Variants in DELE1 observed in about 807,000 individuals in gnomAD.
DELE1 encodes the protein DAP3 binding cell death enhancer 1, also known as death ligand signal enhancer.
Under a neutral mutation model 59.3 loss-of-function variants are expected in DELE1, and 54 were observed. The observed-to-expected ratio is 0.91, with a 90% CI of 0.73 to 1.14. DELE1 has a LOEUF of 1.14. Among genes scored for constraint, DELE1 ranks in the 50% most tolerant of loss-of-function variants. The probability of loss-of-function intolerance (pLI) is 0.00; values close to 1 mark genes in which losing one functional copy is unlikely to be tolerated. For synonymous variants in DELE1, 264 were observed against 259.1 expected (o/e 1.02, Z -0.18); for missense variants, 636 against 643.9 (o/e 0.99, Z 0.13).
rs1308539528 is a variant in DELE1, at chr5:141,930,210, G to A, written c.690G>A (p.Glu230=). ...EQDKSKTLSL[E]EAVTSIQQLF... ...ATAAATCAAAAACTCTTTCCCTTGAGGAGGCTGTGACTTCCATTCAGCAGC... is the reference window on the plus strand; with the variant it reads ...ATAAATCAAAAACTCTTTCCCTTGAAGAGGCTGTGACTTCCATTCAGCAGC... Residue 230 remains glutamate, a synonymous_variant, in exon 7 of 12, where the codon GAG becomes GAA. Transcript: ENST00000432126. 5.6e-6 allele frequency: 9 copies of A among 1,613,908 alleles called. No individual in the cohort carries two copies. Among genetic ancestry groups the A allele is most frequent in the Admixed American group, 1.7e-5 (1 of 60,004 alleles).
chr5:141,933,734 CAAAA>C (rs3045691), intron 8 of DELE1: 11,576 of 162,010 alleles, frequency 0.071, 457 homozygotes, highest in South Asian at 0.14. Flanking sequence ...TATGTGAAGG[CAAAA>C]AAACCCAAAA....
Position 141,929,706 on chromosome 5 carries a change from G to T in DELE1, c.537G>T (p.Leu179Phe). ...CCCGGAACTTCTCACACAACTCTTT[G>T]AGAGGAGCTCGTCCTCAGGACCCCT... ...AQPRNFSHNS[L>F]RGARPQDPSE... The change falls in exon 5 of 12, where the codon TTG becomes TTT. Residue 179 changes from leucine (L) to phenylalanine (F), a missense_variant. Leu to Phe is a conservative substitution (Grantham distance 22, BLOSUM62 0). Coordinates refer to ENST00000432126, the MANE Select transcript of DELE1 (RefSeq NM_014773.5). 2 of 1,614,198 alleles carry T rather than the reference G, an allele frequency of 1.2e-6. No individual in the cohort carries two copies. Among genetic ancestry groups the T allele is most frequent in the Non-Finnish European group, 1.7e-6 (2 of 1,180,040 alleles).
intron 4 of DELE1, 116 bp downstream of exon 4, chr5:141,928,414 T>G: frequency 7.9e-7 from 1 of 1,258,848 alleles, no homozygotes; most frequent in Non-Finnish European, 1.1e-6. Context: ...CTTTCCTATC[T>G]GAAGTCAGAG....
rs1392450171 is a variant in DELE1 at position 141,933,106 on chromosome 5, AAAAAAAT to A, written c.755-151_755-145del. 4.4e-3 allele frequency among the ~76,000 whole-genome samples: 604 copies of A among 137,454 alleles called. 4 individuals carry two copies. Among genetic ancestry groups the A allele is most frequent in the African/African-American group, 0.016 (549 of 34,132 alleles). The allele number at this position is 137,454 out of a possible 152,430, so 90.2% of individuals were successfully genotyped here. A position where few individuals can be genotyped will look rare whatever the true frequency, so the allele number is the denominator to read the frequency against. On this transcript the variant is annotated intron_variant, in intron 7 of 11. Coordinates refer to ENST00000432126, the MANE Select transcript of DELE1 (RefSeq NM_014773.5). The stretch of plus-strand genomic sequence containing the variant: ...CAAGACTCCATCTCAAAAAAAAAAA[AAAAAAAT>A]ATATATATATATATATATATATGTA...
chr5:141,933,203 A>C (rs1752077582), intron 7 of DELE1, 56 bp from the exon 8 acceptor site: 2 of 1,415,540 alleles, frequency 1.4e-6, no homozygotes, highest in Non-Finnish European at 1.9e-6. Flanking sequence ...TACCTGGCTG[A>C]GGGTGTGGGG....
chr5:141,928,094 G>A (rs753834099), intron 3 of DELE1, 57 bp from the exon 4 acceptor site: 5 of 1,555,282 alleles, frequency 3.2e-6, no homozygotes, highest in South Asian at 2.4e-5. Context: ...GAATAAGGCC[G>A]GGTCTGATGG....
chr5:141,925,253 G>C (rs536516447), intron 2 of DELE1, among the ~76,000 whole-genome samples, 157 bp from the exon 3 acceptor site: 8 of 152,054 alleles, frequency 5.3e-5, no homozygotes. Context: ...AGTAGAGATG[G>C]GGTTTCACCA....
chr5:141,925,405 T>A lies in DELE1; in HGVS notation c.147-5T>A, dbSNP rs199614244. On this transcript the variant is annotated splice_region_variant and splice_polypyrimidine_tract_variant and intron_variant, in intron 2 of 11. Transcript: ENST00000432126. Reference sequence around the variant, plus strand: ...TACTTGATAGCCTCTTATTTCATCATCTAGGTCAGGTCCCCATGGCCCAGG... The same window carrying A: ...TACTTGATAGCCTCTTATTTCATCAACTAGGTCAGGTCCCCATGGCCCAGG... 4.2e-5 allele frequency: 66 copies of A among 1,567,114 alleles called. No homozygotes were observed. The East Asian group carries it at 1.6e-3, about 37-fold the overall frequency.
Position 141,940,887 on chromosome 5 carries a change from G to T in DELE1, c.*2128G>T, listed in dbSNP as rs1016446824. On this transcript the variant is annotated 3_prime_UTR_variant, in exon 12 of 12. Coordinates refer to ENST00000432126, the MANE Select transcript of DELE1 (RefSeq NM_014773.5). ...AAAAAACAAACAAAAAAAGGTTTCT[G>T]TGGTTAAATAAGTTTGGGAAATGCT... 1.0e-6 allele frequency: 1 copy of T among 985,220 alleles called. No homozygotes were observed. The highest frequency in any genetic ancestry group is 1.7e-5 in the African/African-American group (1 of 57,360). 61.0% of individuals were successfully genotyped at this position (985,220 alleles called of 1,614,324 possible). A position where few individuals can be genotyped will look rare whatever the true frequency, so the allele number is the denominator to read the frequency against.
intron 3 of DELE1, among the ~76,000 whole-genome samples, chr5:141,926,069 G>T (rs1354903783): frequency 1.3e-5 from 2 of 151,904 alleles, no homozygotes; most frequent in Non-Finnish European, 2.9e-5. Context: ...TAGTAGAGAC[G>T]GGGTTTCACC....
intron 4 of DELE1, among the ~76,000 whole-genome samples, chr5:141,928,513 C>A (rs1751613812): frequency 1.3e-5 from 2 of 152,242 alleles, no homozygotes; most frequent in Admixed American, 1.3e-4. Flanking sequence ...TCACCTCCAA[C>A]CAAGGGAGGC....
chr5:141,938,646 G>A lies in DELE1; in HGVS notation c.1435G>A (p.Gly479Ser). The change falls in exon 12 of 12, where the codon GGC becomes AGC. Residue 479 changes from glycine to serine, a missense_variant. Gly to Ser is a moderately conservative substitution (Grantham distance 56). Coordinates refer to ENST00000432126, the MANE Select transcript of DELE1 (RefSeq NM_014773.5). ...ACATGCCTCGAGCACAGGCAACCTTGGCCTCCTCTGCAGAAGTGGGCATCT... is the reference window on the plus strand; with the variant it reads ...ACATGCCTCGAGCACAGGCAACCTTAGCCTCCTCTGCAGAAGTGGGCATCT... Reference protein sequence around the residue: ...LPHASSTGNLGLLCRSGHLGA... With the variant: ...LPHASSTGNLSLLCRSGHLGA... 4 of 1,614,090 alleles carry A rather than the reference G, an allele frequency of 2.5e-6. No homozygotes were observed. Among genetic ancestry groups the A allele is most frequent in the Non-Finnish European group, 3.4e-6 (4 of 1,180,024 alleles).
At chr5:141,925,764 TG>T (rs1423488494) in intron 3 of DELE1, among the ~76,000 whole-genome samples, 2 of 152,238 alleles carry the variant, frequency 1.3e-5, no homozygotes, top group Non-Finnish European at 2.9e-5. Flanking sequence ...CAGGCATTTT[TG>T]CTAGTCACTA....
intron 4 of DELE1, among the ~76,000 whole-genome samples, chr5:141,928,988 C>G (rs551766259): frequency 5.3e-5 from 8 of 152,184 alleles, no homozygotes; most frequent in African/African-American, 1.9e-4. Context: ...GTGCTAGGTA[C>G]TGGGGCTACA....
At chr5:141,926,033 C>T (rs1751388641) in intron 3 of DELE1, among the ~76,000 whole-genome samples, 1 of 152,062 alleles carries the variant, frequency 6.6e-6, no homozygotes, top group Non-Finnish European at 1.5e-5. Flanking sequence ...GCACGTGCCA[C>T]CACGCCTGGA....
At chr5:141,931,022 A>G (rs1301767127) in intron 7 of DELE1, among the ~76,000 whole-genome samples, 1 of 152,228 alleles carries the variant, frequency 6.6e-6, no homozygotes, top group Non-Finnish European at 1.5e-5. Flanking sequence ...CAGAAAAACA[A>G]TAATTGAGAA....
At position 141,941,630 on chromosome 5, in the gene DELE1, C is replaced by T. The variant is rs2126909434; in HGVS notation, c.*2871C>T. On this transcript the variant is annotated 3_prime_UTR_variant, in exon 12 of 12. Coordinates refer to ENST00000432126, the MANE Select transcript of DELE1 (RefSeq NM_014773.5). ...CTGGGTCAGGATGCTGGGTTAAAGC[C>T]CGGCGCCCTCACCAATGAGACCTTT... 1.0e-6 allele frequency: 1 copy of T among 985,368 alleles called. No homozygotes were observed. Among genetic ancestry groups the T allele is most frequent in the South Asian group, 4.7e-5 (1 of 21,274 alleles). 61.0% of individuals were successfully genotyped at this position (985,368 alleles called of 1,614,324 possible).
In DELE1 at chr5:141,941,881, A is replaced by G. The variant is rs1420082630; in HGVS notation, c.*3122A>G. The stretch of plus-strand genomic sequence containing the variant: ...CAAGCCTACCCAGCACATAGTAGGT[A>G]CTTTAAGTAATTTGAATGAATAATT... On this transcript the variant is annotated 3_prime_UTR_variant, in exon 12 of 12. Coordinates refer to ENST00000432126, the MANE Select transcript of DELE1 (RefSeq NM_014773.5). 5.1e-6 allele frequency: 5 copies of G among 985,210 alleles called. No individual in the cohort carries two copies. The highest frequency in any genetic ancestry group is 4.8e-6 in the Non-Finnish European group (4 of 829,886). The allele number at this position is 985,210 out of a possible 1,614,324, so 61.0% of individuals were successfully genotyped here. A position where few individuals can be genotyped will look rare whatever the true frequency, so the allele number is the denominator to read the frequency against.
rs137927996 is a variant in DELE1, at chr5:141,941,971, GCA to G, written c.*3226_*3227del. On this transcript the variant is annotated 3_prime_UTR_variant, in exon 12 of 12. Transcript: ENST00000432126. ...TCGCCGCCTATACACACGCACACAC[GCA>G]CACACACACACACGGTTTCCTGTGC... 142 of 915,116 alleles carry G rather than the reference GCA, an allele frequency of 1.6e-4. No homozygotes were observed. Among genetic ancestry groups the G allele is most frequent in the South Asian group, 2.5e-4 (5 of 19,964 alleles). 56.7% of individuals were successfully genotyped at this position (915,116 alleles called of 1,614,324 possible). A position where few individuals can be genotyped will look rare whatever the true frequency, so the allele number is the denominator to read the frequency against.
Sources: allele counts gnomAD v4.1 joint callset (sites outside exome capture counted in the v4.1 genomes callset), GRCh38; gene constraint gnomAD v4.1.1; transcripts MANE v1.5; gene names NCBI Gene and HGNC (gene_info 2026-07-23, HGNC 2026-07-21).